Variants in ZNF385D observed in about 807,000 individuals in gnomAD.
ZNF385D encodes zinc finger protein 385D, also known as zinc finger protein 659.
Under a neutral mutation model 35.8 loss-of-function variants are expected in ZNF385D, and 15 were observed. That is an observed-to-expected ratio of 0.42 (90% confidence interval 0.28 to 0.64). The LOEUF (loss-of-function observed/expected upper bound fraction) is 0.64. ZNF385D is among the 30% of genes least tolerant of loss of function. The pLI is 0.23. For missense variants in ZNF385D, 474 were observed against 494.6 expected, an observed-to-expected ratio of 0.96 and a Z score of 0.39; for synonymous variants, 212 against 186.8, an observed-to-expected ratio of 1.13 and a Z score of -1.10.
intron 3 of ZNF385D, among the ~76,000 whole-genome samples, chr3:22,109,929 TCAAA>T (rs1254549160): frequency 2.0e-5 from 3 of 152,032 alleles, no homozygotes; most frequent in Middle Eastern, 3.4e-3. Context: ...TACAATGAAC[TCAAA>T]CAAATTTACA....
chr3:22,320,653 C>T (rs1182026758), intron 2 of ZNF385D, among the ~76,000 whole-genome samples: 1 of 149,512 alleles, frequency 6.7e-6, no homozygotes, highest in Non-Finnish European at 1.5e-5. Context: ...TACCAGAATT[C>T]TATCACAATA....
At chr3:21,952,461 A>T (rs540982826) in intron 3 of ZNF385D, among the ~76,000 whole-genome samples, 35 of 152,142 alleles carry the variant, frequency 2.3e-4, no homozygotes, top group African/African-American at 8.4e-4. Flanking sequence ...TGATATCAGA[A>T]TTATTAAAAT....
chr3:21,857,851 C>A (rs536445772), intron 3 of ZNF385D, among the ~76,000 whole-genome samples: 2 of 151,804 alleles, frequency 1.3e-5, no homozygotes, highest in African/African-American at 4.8e-5. Context: ...ATCTGAGGGA[C>A]AACTGGAGAA....
chr3:21,657,147 G>T (rs2066095733), intron 2 of ZNF385D, among the ~76,000 whole-genome samples: 1 of 151,814 alleles, frequency 6.6e-6, no homozygotes, highest in African/African-American at 2.4e-5. Context: ...AATATCTTTG[G>T]AAGGATAGAT....
chr3:22,148,000 T>C (rs148225898), intron 3 of ZNF385D, among the ~76,000 whole-genome samples: 124 of 152,330 alleles, frequency 8.1e-4, no homozygotes, highest in Non-Finnish European at 1.1e-3. Context: ...ATACTTCATT[T>C]CTGGGATAAT....
intron 3 of ZNF385D, among the ~76,000 whole-genome samples, chr3:22,092,187 T>C (rs1701368963): frequency 6.6e-6 from 1 of 152,212 alleles, no homozygotes; most frequent in Non-Finnish European, 1.5e-5. Context: ...GCTTTATTTC[T>C]GACAGTGGGG....
chr3:22,201,072 G>C (rs1441619876), intron 2 of ZNF385D, among the ~76,000 whole-genome samples: 2 of 152,112 alleles, frequency 1.3e-5, no homozygotes, highest in Non-Finnish European at 2.9e-5. Flanking sequence ...CTAAAGTAAA[G>C]ACAGGCATAG....
chr3:22,169,829 C>T (rs1706568170), intron 2 of ZNF385D, among the ~76,000 whole-genome samples: 1 of 152,144 alleles, frequency 6.6e-6, no homozygotes, highest in East Asian at 1.9e-4. Context: ...GGGTTTCACT[C>T]TGTCACTTAA....
intron 3 of ZNF385D, among the ~76,000 whole-genome samples, chr3:21,883,769 G>T (rs259559): frequency 6.6e-6 from 1 of 151,910 alleles, no homozygotes; most frequent in African/African-American, 2.4e-5. Context: ...TAGAATTTAT[G>T]TATGTGGAAA....
At chr3:21,457,346 C>T (rs1053284418) in intron 4 of ZNF385D, among the ~76,000 whole-genome samples, 20 of 150,622 alleles carry the variant, frequency 1.3e-4, no homozygotes, top group African/African-American at 3.4e-4. Context: ...TTGTTGTTGT[C>T]GTTGTTGTTG....
chr3:22,338,204 T>C (rs1335085200), intron 2 of ZNF385D, among the ~76,000 whole-genome samples: 1 of 152,246 alleles, frequency 6.6e-6, no homozygotes, highest in Non-Finnish European at 1.5e-5. Flanking sequence ...ATTATCTCAA[T>C]GTTTTCCTTA....
At chr3:21,598,409 G>A (rs11923542) in intron 2 of ZNF385D, among the ~76,000 whole-genome samples, 1,657 of 152,160 alleles carry the variant, frequency 0.011, 22 homozygotes, top group African/African-American at 0.038. Flanking sequence ...TTTAAAACTT[G>A]TTCATTAAAA....
chr3:21,940,580 C>CA (rs1171590892), intron 3 of ZNF385D, among the ~76,000 whole-genome samples: 4 of 152,266 alleles, frequency 2.6e-5, no homozygotes, highest in Non-Finnish European at 5.9e-5. Flanking sequence ...CAAAACAGAA[C>CA]AAACCTAGTC....
chr3:22,094,862 A>G (rs1701529318), intron 3 of ZNF385D, among the ~76,000 whole-genome samples: 1 of 152,046 alleles, frequency 6.6e-6, no homozygotes. Context: ...GCACAGCCTC[A>G]TGGTTGCCAG....
intron 3 of ZNF385D, among the ~76,000 whole-genome samples, chr3:21,758,448 C>T (rs2070445566): frequency 1.3e-5 from 2 of 152,124 alleles, no homozygotes; most frequent in East Asian, 1.9e-4. Flanking sequence ...AGAGAAATCC[C>T]AAGTCTCTGA....
chr3:22,062,045 A>G (rs1261495323), intron 3 of ZNF385D, among the ~76,000 whole-genome samples: 1 of 152,048 alleles, frequency 6.6e-6, no homozygotes, highest in Non-Finnish European at 1.5e-5. Context: ...ATTTAATTTT[A>G]ATTTATTTTT....
intron 2 of ZNF385D, among the ~76,000 whole-genome samples, chr3:22,343,561 C>G (rs951422280): frequency 6.7e-6 from 1 of 148,850 alleles, no homozygotes; most frequent in Non-Finnish European, 1.5e-5. Flanking sequence ...GAGAATCCTA[C>G]TGACTGTACC....
chr3:21,733,992 T>C (rs1239755546), intron 1 of ZNF385D, among the ~76,000 whole-genome samples: 3 of 152,202 alleles, frequency 2.0e-5, no homozygotes, highest in Non-Finnish European at 4.4e-5. Flanking sequence ...GTTTTTTTGG[T>C]ATATTTTAGA....
intron 2 of ZNF385D, among the ~76,000 whole-genome samples, chr3:22,345,750 A>G (rs1695629902): frequency 6.6e-6 from 1 of 152,166 alleles, no homozygotes; most frequent in Admixed American, 6.6e-5. Context: ...TGGCTGATAC[A>G]TTCAATTATT....
Sources: gnomAD v4.1 joint callset for allele counts (sites outside exome capture counted in the v4.1 genomes callset) on GRCh38, gnomAD v4.1.1 for gene constraint, MANE v1.5 for transcripts, NCBI Gene and HGNC (gene_info 2026-07-23, HGNC 2026-07-21) for gene names.